The following DHRSX variants were observed in gnomAD, a reference collection of about 807,000 sequenced individuals.
The protein encoded by DHRSX is polyprenol dehydrogenase.
Under a neutral mutation model 34.0 loss-of-function variants are expected in DHRSX, and 31 were observed. The observed-to-expected ratio is 0.91, with a 90% CI of 0.69 to 1.23. The LOEUF (loss-of-function observed/expected upper bound fraction) is 1.23, where lower values mean the gene tolerates loss of function less well. Among genes scored for constraint, DHRSX ranks in the 50% most tolerant of loss-of-function variants. The probability of loss-of-function intolerance (pLI) is 0.00; values close to 1 mark genes in which losing one functional copy is unlikely to be tolerated. For missense variants in DHRSX, 414 were observed against 428.1 expected, an observed-to-expected ratio of 0.97 and a Z score of 0.29; for synonymous variants, 201 against 183.8, an observed-to-expected ratio of 1.09 and a Z score of -0.76.
At chrX:2,275,343 C>CA (rs768710073) in intron 4 of DHRSX, among the ~76,000 whole-genome samples, 20,234 of 127,162 alleles carry the variant, frequency 0.16, 1,993 homozygotes, top group Admixed American at 0.21. Flanking sequence ...ACTAAAAATA[C>CA]AAAAAAAAAA....
chrX:2,332,373 T>TA (rs999323617), intron 3 of DHRSX, among the ~76,000 whole-genome samples: 2 of 151,962 alleles, frequency 1.3e-5, no homozygotes, highest in Admixed American at 6.6e-5. Flanking sequence ...AGAAGCTAGT[T>TA]AGTGTGTGCA....
chrX:2,230,181 G>A (rs1296432285), intron 6 of DHRSX, among the ~76,000 whole-genome samples: 1 of 150,572 alleles, frequency 6.6e-6, no homozygotes, highest in Non-Finnish European at 1.5e-5. Flanking sequence ...GTGCGCGCAT[G>A]TGTTTGCATC....
chrX:2,304,203 A>ATGG (rs2042067424), intron 3 of DHRSX, among the ~76,000 whole-genome samples: 48 of 29,634 alleles, frequency 1.6e-3, no homozygotes, highest in African/African-American at 5.1e-3. Context: ...ATGGATGGAT[A>ATGG]AATGGATGGA....
chrX:2,384,809 TG>T (rs2043250870), intron 3 of DHRSX, among the ~76,000 whole-genome samples: 2 of 150,956 alleles, frequency 1.3e-5, no homozygotes, highest in Non-Finnish European at 2.9e-5. Flanking sequence ...TACCTAATGC[TG>T]GATGACCAGT....
intron 4 of DHRSX, among the ~76,000 whole-genome samples, chrX:2,282,803 G>A (rs2041737998): frequency 1.3e-5 from 1 of 75,268 alleles, no homozygotes; most frequent in African/African-American, 4.7e-5. Context: ...AAGAAAGAGA[G>A]AAGAGAGAAA....
chrX:2,489,954 T>A (rs769932138), intron 1 of DHRSX: 1 of 1,613,914 alleles, frequency 6.2e-7, no homozygotes, highest in South Asian at 1.1e-5. Context: ...CCCCACTCGA[T>A]GAAGACCTCA....
At chrX:2,230,242 CAT>C (rs1413575699) in intron 6 of DHRSX, among the ~76,000 whole-genome samples, 3 of 152,152 alleles carry the variant, frequency 2.0e-5, no homozygotes, top group Admixed American at 6.5e-5. Context: ...TGAGTGTGCA[CAT>C]GTGTACGTGC....
intron 3 of DHRSX, among the ~76,000 whole-genome samples, chrX:2,303,275 C>G: frequency 6.6e-6 from 1 of 152,214 alleles, no homozygotes; most frequent in East Asian, 1.9e-4. Context: ...TGTCCCCACC[C>G]AAATCTCATG....
chrX:2,247,373 G>T (rs2016322162), intron 5 of DHRSX, among the ~76,000 whole-genome samples: 1 of 151,798 alleles, frequency 6.6e-6, no homozygotes, highest in African/African-American at 2.4e-5. Context: ...AAAAAATTAG[G>T]GCTGGGTGCA....
chrX:2,359,951 AAAAT>A (rs2042907764), intron 3 of DHRSX, among the ~76,000 whole-genome samples: 1 of 152,160 alleles, frequency 6.6e-6, no homozygotes, highest in Admixed American at 6.6e-5. Flanking sequence ...CAGGATCAGG[AAAAT>A]AACTAATGGG....
chrX:2,490,549 G>A (rs776679117), intron 1 of DHRSX: 17 of 1,613,998 alleles, frequency 1.1e-5, no homozygotes, highest in Admixed American at 1.0e-4. Flanking sequence ...AGGTGTTTCC[G>A]GAGTAGGCGA....
intron 3 of DHRSX, among the ~76,000 whole-genome samples, chrX:2,323,988 T>C (rs1305666851): frequency 7.0e-6 from 1 of 142,000 alleles, no homozygotes; most frequent in Non-Finnish European, 1.5e-5. Flanking sequence ...GCCTCGGAAG[T>C]TGAAGTTGCA....
intron 3 of DHRSX, among the ~76,000 whole-genome samples, chrX:2,346,689 A>G (rs1224904454): frequency 1.3e-5 from 2 of 151,058 alleles, no homozygotes; most frequent in Non-Finnish European, 1.5e-5. Context: ...GTCCTGGGGT[A>G]CATGTGCAGA....
intron 4 of DHRSX, among the ~76,000 whole-genome samples, chrX:2,273,616 A>T (rs2041586609): frequency 6.6e-6 from 1 of 152,192 alleles, no homozygotes; most frequent in Non-Finnish European, 1.5e-5. Flanking sequence ...GTGGTTTTTC[A>T]TCCCCTGCCT....
At chrX:2,468,976 G>T (rs1340523008) in intron 1 of DHRSX, among the ~76,000 whole-genome samples, 1 of 152,038 alleles carries the variant, frequency 6.6e-6, no homozygotes, top group Non-Finnish European at 1.5e-5. Flanking sequence ...TGTACACACT[G>T]AAGACGTTCC....
chrX:2,316,370 G>A (rs1260723691), intron 3 of DHRSX, among the ~76,000 whole-genome samples: 2 of 152,104 alleles, frequency 1.3e-5, no homozygotes, highest in Non-Finnish European at 2.9e-5. Flanking sequence ...TGGCCAAAAG[G>A]GTGAAACCCT....
chrX:2,258,245 A>T (rs1211881120), intron 5 of DHRSX, among the ~76,000 whole-genome samples: 1 of 151,932 alleles, frequency 6.6e-6, no homozygotes, highest in Non-Finnish European at 1.5e-5. Context: ...GCATTGCATA[A>T]GAAGAGGAGA....
chrX:2,322,720 T>A (rs2124534525), intron 3 of DHRSX, among the ~76,000 whole-genome samples: 1 of 150,582 alleles, frequency 6.6e-6, no homozygotes, highest in African/African-American at 2.4e-5. Flanking sequence ...TCTAGCATAC[T>A]TTAATAATAC....
At chrX:2,469,401 C>T (rs779385001) in intron 1 of DHRSX, among the ~76,000 whole-genome samples, 2 of 151,118 alleles carry the variant, frequency 1.3e-5, no homozygotes, top group African/African-American at 4.9e-5. Flanking sequence ...GAAGACGTTC[C>T]CAAAGAATGC....
Sources: allele counts gnomAD v4.1 joint callset (sites outside exome capture counted in the v4.1 genomes callset), GRCh38; gene constraint gnomAD v4.1.1; transcripts MANE v1.5; gene names NCBI Gene and HGNC (gene_info 2026-07-23, HGNC 2026-07-21).